Variants in GLMN observed in about 807,000 individuals in gnomAD.
GLMN encodes glomulin, FKBP associated protein.
A neutral mutation model predicts 87.8 loss-of-function variants in GLMN; 75 were observed. The ratio of observed to expected loss-of-function variants is 0.85; its 90% CI spans 0.71 to 1.04. GLMN has a LOEUF of 1.04. Ranked by LOEUF, GLMN falls within the 50% of genes least tolerant of loss-of-function variation. The pLI is 0.00. For synonymous variants in GLMN, 206 were observed against 221.6 expected (o/e 0.93, Z 0.63); for missense variants, 588 against 658.8 (o/e 0.89, Z 1.18).
chr1:92,311,748 T>G, the GLMN span, among the ~76,000 whole-genome samples: 1 of 152,338 alleles, frequency 6.6e-6, no homozygotes, highest in East Asian at 1.9e-4. Flanking sequence ...AATCATGGAT[T>G]TTGTTTCCCA....
chr1:92,269,768 TACA>T lies in GLMN; in HGVS notation c.929_931del (p.Leu310del). 6.3e-7 allele frequency: 1 copy of T among 1,599,518 alleles called. No individual in the cohort carries two copies. The highest frequency in any genetic ancestry group is 1.3e-5 in the African/African-American group (1 of 74,708). Reference sequence around the variant, plus strand: ...GTGCCCCATATTAAACTGCAAAAGGTACAATGGGCTAAAATAGAAACAAAACAA... The same window carrying T: ...GTGCCCCATATTAAACTGCAAAAGGTATGGGCTAAAATAGAAACAAAACAA... On this transcript the variant is annotated inframe_deletion, in exon 9 of 19. Coordinates refer to ENST00000370360, the MANE Select transcript of GLMN (RefSeq NM_053274.3).
the GLMN span, among the ~76,000 whole-genome samples, chr1:92,322,772 G>A: frequency 9.9e-5 from 15 of 151,722 alleles, no homozygotes; most frequent in Middle Eastern, 6.8e-3. Context: ...AGCTACTTGG[G>A]AGGCCGAGGT....
chr1:92,357,271 A>T, the GLMN span, among the ~76,000 whole-genome samples: 2 of 152,196 alleles, frequency 1.3e-5, no homozygotes, highest in Non-Finnish European at 2.9e-5. Flanking sequence ...AGTAGCTACA[A>T]TAAAAAATTG....
At chr1:92,298,291 A>ATCCT (rs1650394430) in intron 1 of GLMN, among the ~76,000 whole-genome samples, 1 of 151,872 alleles carries the variant, frequency 6.6e-6, no homozygotes. Flanking sequence ...GTTTTCTAGG[A>ATCCT]GCATAGTTTT....
At chr1:92,323,344 T>A in the GLMN span, 1 of 724,188 alleles carries the variant, frequency 1.4e-6, no homozygotes. Flanking sequence ...ACCTTGAAAG[T>A]TACAATGTAT....
the GLMN span, chr1:92,323,909 G>A: frequency 6.2e-7 from 1 of 1,614,118 alleles, no homozygotes; most frequent in Non-Finnish European, 8.5e-7. Context: ...GTAGGCATAA[G>A]TAAGAAAAGT....
chr1:92,274,879 C>T (rs140525662), intron 7 of GLMN, among the ~76,000 whole-genome samples: 56 of 152,278 alleles, frequency 3.7e-4, no homozygotes, highest in African/African-American at 1.3e-3. Flanking sequence ...CCTACCTAGG[C>T]ATTCCCTCCT....
upstream of GLMN, chr1:92,301,364 T>C: frequency 2.4e-6 from 1 of 422,556 alleles, no homozygotes; most frequent in Non-Finnish European, 4.1e-6. Flanking sequence ...ATTTTTTAAA[T>C]ATATTTAAAT....
At chr1:92,323,699 A>G in the GLMN span, 3 of 1,614,074 alleles carry the variant, frequency 1.9e-6, no homozygotes, top group East Asian at 4.5e-5. Context: ...AACTCCAAAC[A>G]CAAAGACAAA....
chr1:92,292,443 C>T (rs1285979685), intron 3 of GLMN, among the ~76,000 whole-genome samples: 2 of 151,990 alleles, frequency 1.3e-5, no homozygotes, highest in South Asian at 2.1e-4. Context: ...CTGAGTCTCG[C>T]TCTGTCGCCC....
At chr1:92,315,865 G>A in the GLMN span, among the ~76,000 whole-genome samples, 1 of 152,158 alleles carries the variant, frequency 6.6e-6, no homozygotes, top group African/African-American at 2.4e-5. Flanking sequence ...CCCTGTTAGA[G>A]ACAAAACATT....
intron 7 of GLMN, among the ~76,000 whole-genome samples, chr1:92,283,088 A>G (rs1648282128): frequency 6.6e-6 from 1 of 152,216 alleles, no homozygotes; most frequent in Non-Finnish European, 1.5e-5. Flanking sequence ...AACTATTCCA[A>G]TCAATAGAAA....
the GLMN span, among the ~76,000 whole-genome samples, chr1:92,334,049 G>T: frequency 1.3e-5 from 2 of 151,358 alleles, no homozygotes; most frequent in South Asian, 2.1e-4. Flanking sequence ...GAACTTGAAG[G>T]TTTTTTTTTC....
the GLMN span, chr1:92,336,326 A>AT: frequency 1.9e-5 from 29 of 1,563,152 alleles, no homozygotes; most frequent in Non-Finnish European, 2.4e-5. Flanking sequence ...TTTAAAATAA[A>AT]TGTAATTTTT....
At chr1:92,324,132 A>G in the GLMN span, 3 of 1,614,174 alleles carry the variant, frequency 1.9e-6, no homozygotes, top group Non-Finnish European at 2.5e-6. Context: ...CTCTGGTTAA[A>G]GAAGAACTTG....
chr1:92,322,010 A>G, the GLMN span, among the ~76,000 whole-genome samples: 1 of 143,850 alleles, frequency 7.0e-6, no homozygotes, highest in East Asian at 2.1e-4. Context: ...CAGTGGCGCG[A>G]TCTCGGCTCA....
the GLMN span, among the ~76,000 whole-genome samples, chr1:92,305,127 A>G: frequency 6.7e-6 from 1 of 150,010 alleles, no homozygotes; most frequent in Admixed American, 6.6e-5. Context: ...AGAGCAAGAC[A>G]CTGTCTTCAA....
chr1:92,301,100 A>C (rs1193426709), upstream of GLMN, among the ~76,000 whole-genome samples: 1 of 152,202 alleles, frequency 6.6e-6, no homozygotes, highest in Non-Finnish European at 1.5e-5. Context: ...TTAACCATAC[A>C]AAGAGTATAT....
intron 1 of GLMN, 98 bp from the exon 2 acceptor site, chr1:92,298,127 A>G (rs1013953278): frequency 2.9e-5 from 19 of 651,418 alleles, no homozygotes; most frequent in Non-Finnish European, 5.3e-5. Flanking sequence ...AATACAATAA[A>G]GAAAATGGAA....
Sources: gnomAD v4.1 joint callset for allele counts (sites outside exome capture counted in the v4.1 genomes callset) on GRCh38, gnomAD v4.1.1 for gene constraint, MANE v1.5 for transcripts, NCBI Gene and HGNC (gene_info 2026-07-23, HGNC 2026-07-21) for gene names.